The following DDX10 variants were observed in gnomAD, a reference collection of about 807,000 sequenced individuals.
DDX10 encodes the protein DEAD-box helicase 10.
A neutral mutation model predicts 104.3 loss-of-function variants in DDX10; 74 were observed. The ratio of observed to expected loss-of-function variants is 0.71; its 90% confidence interval spans 0.59 to 0.86. DDX10 has a LOEUF of 0.86. Ranked by LOEUF, DDX10 falls within the 40% of genes least tolerant of loss-of-function variation. The pLI, the probability that DDX10 is intolerant of heterozygous loss-of-function variation, is 0.00. For synonymous variants in DDX10, 351 were observed against 353.4 expected (o/e 0.99, Z 0.08); for missense variants, 952 against 1,040.0 (o/e 0.92, Z 1.16).
intron 13 of DDX10, among the ~76,000 whole-genome samples, chr11:108,812,826 A>G (rs1428978232): frequency 6.6e-6 from 1 of 151,892 alleles, no homozygotes; most frequent in African/African-American, 2.4e-5. Context: ...TACTGAAACT[A>G]CAAGAATTAG....
chr11:108,776,690 G>T (rs1250331862), intron 13 of DDX10, among the ~76,000 whole-genome samples: 2 of 152,120 alleles, frequency 1.3e-5, no homozygotes, highest in African/African-American at 2.4e-5. Context: ...AACTCCGAGG[G>T]TTTTCTGTGG....
intron 13 of DDX10, among the ~76,000 whole-genome samples, chr11:108,774,725 C>T (rs2094367684): frequency 6.6e-6 from 1 of 152,088 alleles, no homozygotes; most frequent in Non-Finnish European, 1.5e-5. Context: ...GACTTTTCAG[C>T]TGTATTTTTT....
intron 6 of DDX10, among the ~76,000 whole-genome samples, chr11:108,683,469 C>T (rs1437282684): frequency 6.6e-6 from 1 of 152,162 alleles, no homozygotes; most frequent in Non-Finnish European, 1.5e-5. Context: ...GGGCTTGGCT[C>T]AGGGCATTTC....
At chr11:108,911,802 T>G (rs769745986) in intron 16 of DDX10, among the ~76,000 whole-genome samples, 4 of 151,988 alleles carry the variant, frequency 2.6e-5, no homozygotes, top group Admixed American at 6.6e-5. Context: ...GCTCAAGCAG[T>G]CCATCTGCCC....
intron 1 of DDX10, 96 bp from the exon 2 acceptor site, chr11:108,673,371 A>G: frequency 1.3e-6 from 1 of 794,348 alleles, no homozygotes; most frequent in Admixed American, 2.6e-5. Flanking sequence ...TTCAACCCTG[A>G]ATTACCAAGG....
At position 108,886,840 on chromosome 11, in the gene DDX10, A is replaced by T. The variant is rs563804471; in HGVS notation, c.2305-31033A>T. Among the ~76,000 whole-genome samples the T allele has an allele frequency of 3.5e-4, 53 of 152,342 alleles. 1 individual carries two copies. Among genetic ancestry groups the T allele is most frequent in the Admixed American group, 3.1e-3 (48 of 15,304 alleles). ...ATAAAACTAATCTCATTCATGACTG[A>T]TCTCACCCATTGCTAATCTCATTCA... On this transcript the variant is annotated intron_variant, in intron 16 of 17. Coordinates refer to ENST00000322536, the MANE Select transcript of DDX10 (RefSeq NM_004398.4).
chr11:108,670,505 C>G (rs2094215614), intron 1 of DDX10, among the ~76,000 whole-genome samples: 1 of 152,180 alleles, frequency 6.6e-6, no homozygotes, highest in South Asian at 2.1e-4. Context: ...TGAGCCCCGC[C>G]ATTGACTAGG....
rs2094372073 is a variant in DDX10 at position 108,777,793 on chromosome 11, C to A, written c.1965+54331C>A. 3.3e-5 allele frequency among the ~76,000 whole-genome samples: 5 copies of A among 152,216 alleles called. No individual in the cohort carries two copies. In the South Asian group the frequency reaches 1.0e-3, roughly 32 times the overall value. Reference sequence around the variant, plus strand: ...ATGACATGATTGTATGTTTAGAAAACCTCATCGTCTCAGCCCAAAATCTCC... The same window carrying A: ...ATGACATGATTGTATGTTTAGAAAAACTCATCGTCTCAGCCCAAAATCTCC... On this transcript the variant is annotated intron_variant, in intron 13 of 17. Transcript: ENST00000322536.
At chr11:108,747,584 G>A (rs1376161856) in intron 13 of DDX10, among the ~76,000 whole-genome samples, 1 of 152,100 alleles carries the variant, frequency 6.6e-6, no homozygotes, top group African/African-American at 2.4e-5. Flanking sequence ...TCCCTTGACA[G>A]TCCCTTTAAT....
chr11:108,714,819 G>T (rs908131452), intron 10 of DDX10, among the ~76,000 whole-genome samples: 7 of 152,086 alleles, frequency 4.6e-5, no homozygotes, highest in African/African-American at 1.4e-4. Flanking sequence ...GGTTAGATTT[G>T]GGGAGGAGAG....
intron 9 of DDX10, among the ~76,000 whole-genome samples, chr11:108,697,634 C>A (rs1271827491): frequency 6.6e-6 from 1 of 152,074 alleles, no homozygotes; most frequent in Non-Finnish European, 1.5e-5. Flanking sequence ...CCAGCACACC[C>A]CTTTTAACAA....
chr11:108,867,515 A>G (rs929547300), intron 16 of DDX10, among the ~76,000 whole-genome samples: 1 of 152,190 alleles, frequency 6.6e-6, no homozygotes, highest in East Asian at 1.9e-4. Flanking sequence ...TACCATAGTC[A>G]AGAACCTGGA....
intron 16 of DDX10, among the ~76,000 whole-genome samples, chr11:108,887,745 T>A (rs1279254263): frequency 6.6e-6 from 1 of 152,070 alleles, no homozygotes; most frequent in Non-Finnish European, 1.5e-5. Context: ...TGAAACCTCC[T>A]CTCTACTAAA....
intron 16 of DDX10, among the ~76,000 whole-genome samples, chr11:108,912,080 A>G (rs1863688183): frequency 6.6e-6 from 1 of 152,152 alleles, no homozygotes; most frequent in Admixed American, 6.5e-5. Flanking sequence ...ATAGACTAGT[A>G]ATTTAAATAA....
At chr11:108,902,398 T>C (rs1256893305) in intron 16 of DDX10, among the ~76,000 whole-genome samples, 2 of 152,184 alleles carry the variant, frequency 1.3e-5, no homozygotes, top group African/African-American at 4.8e-5. Context: ...TGAAGTTGGT[T>C]CTTCATGACA....
intron 13 of DDX10, among the ~76,000 whole-genome samples, chr11:108,731,923 C>G (rs1045809482): frequency 6.6e-5 from 10 of 152,152 alleles, no homozygotes; most frequent in Non-Finnish European, 1.2e-4. Context: ...ACACTGCTGA[C>G]TTTGTTGAAA....
chr11:108,706,679 G>T, intron 9 of DDX10, 60 bp from the exon 10 acceptor site: 1 of 1,336,562 alleles, frequency 7.5e-7, no homozygotes, highest in Non-Finnish European at 1.1e-6. Flanking sequence ...GCATCACTCT[G>T]TTAAAATGTA....
intron 13 of DDX10, among the ~76,000 whole-genome samples, chr11:108,798,157 C>A (rs894814089): frequency 1.3e-5 from 2 of 152,186 alleles, no homozygotes; most frequent in African/African-American, 2.4e-5. Context: ...TCAATACTTA[C>A]AGAAGAAAGG....
chr11:108,715,821 A>T, intron 10 of DDX10, 58 bp from the exon 11 acceptor site: 1 of 860,058 alleles, frequency 1.2e-6, no homozygotes. Flanking sequence ...GCTGCTTACT[A>T]TTTTTAGTCT....
Sources: allele counts gnomAD v4.1 joint callset (sites outside exome capture counted in the v4.1 genomes callset), GRCh38; gene constraint gnomAD v4.1.1; transcripts MANE v1.5; gene names NCBI Gene and HGNC (gene_info 2026-07-23, HGNC 2026-07-21).